COX10: variants seen among roughly 807,000 people sequenced by gnomAD.
The protein encoded by COX10 is cytochrome c oxidase assembly factor heme A:farnesyltransferase COX10.
Under a neutral mutation model 37.3 loss-of-function variants are expected in COX10, and 27 were observed. That is an observed-to-expected ratio of 0.72 (90% CI 0.53 to 1.00). The LOEUF is 1.00. Among genes scored for constraint, COX10 ranks in the 50% least tolerant of loss-of-function variants. The probability of loss-of-function intolerance (pLI) is 0.00; values close to 1 mark genes in which losing one functional copy is unlikely to be tolerated. For synonymous variants in COX10, 222 were observed against 229.1 expected (o/e 0.97, Z 0.28); for missense variants, 475 against 563.2 (o/e 0.84, Z 1.59).
chr17:14,116,689 G>A (rs534764741), intron 4 of COX10, among the ~76,000 whole-genome samples: 1 of 152,038 alleles, frequency 6.6e-6, no homozygotes, highest in South Asian at 2.1e-4. Flanking sequence ...GTTAGCTGTG[G>A]AAGTTGTGAG....
chr17:14,128,910 G>A (rs542319295), intron 4 of COX10, among the ~76,000 whole-genome samples: 3 of 152,180 alleles, frequency 2.0e-5, no homozygotes, highest in Non-Finnish European at 2.9e-5. Flanking sequence ...GCAGTGGCGC[G>A]ATCTCGGCCC....
chr17:14,188,416 T>C (rs760456384), intron 5 of COX10, among the ~76,000 whole-genome samples: 1 of 151,550 alleles, frequency 6.6e-6, no homozygotes, highest in Non-Finnish European at 1.5e-5. Context: ...TTCCAGGTCA[T>C]ATGATGTATG....
intron 5 of COX10, among the ~76,000 whole-genome samples, chr17:14,165,685 G>C (rs898157416): frequency 6.6e-6 from 1 of 152,202 alleles, no homozygotes; most frequent in Non-Finnish European, 1.5e-5. Flanking sequence ...AAATGATTAA[G>C]CTTAATGAGG....
chr17:14,074,283 G>A (rs781688641), intron 1 of COX10, 40 bp from the exon 2 acceptor site: 6 of 1,612,814 alleles, frequency 3.7e-6, no homozygotes, highest in East Asian at 2.2e-5. Flanking sequence ...TAAGAAGTAC[G>A]AATCATTTAA....
At chr17:14,169,004 T>A (rs1042034967) in intron 5 of COX10, among the ~76,000 whole-genome samples, 1 of 152,244 alleles carries the variant, frequency 6.6e-6, no homozygotes, top group African/African-American at 2.4e-5. Flanking sequence ...AGGCTGTAGA[T>A]TTTCCGAACT....
rs377568055 is a variant in COX10, at chr17:14,114,728, C to T, written c.624+12486C>T. On this transcript the variant is annotated intron_variant, in intron 4 of 6. Coordinates refer to ENST00000261643, the MANE Select transcript of COX10 (RefSeq NM_001303.4). ...CTCTTAGTTGTTAGATAGAAAACAC[C>T]TAAAATGAATATTCTTAAGTTATGG... Among the ~76,000 whole-genome samples the T allele has an allele frequency of 2.7e-3, 411 of 152,074 alleles. 16 individuals are homozygous for T. In the South Asian group the frequency reaches 0.081, roughly 30 times the overall value.
intron 6 of COX10, among the ~76,000 whole-genome samples, chr17:14,195,070 T>G (rs1906328166): frequency 6.6e-6 from 1 of 152,194 alleles, no homozygotes. Context: ...CCCAGTTAAT[T>G]GCAGATCAAA....
chr17:14,156,720 C>A (rs966076536), intron 4 of COX10, among the ~76,000 whole-genome samples: 3 of 152,176 alleles, frequency 2.0e-5, no homozygotes, highest in Non-Finnish European at 4.4e-5. Flanking sequence ...CCCTGCTCAG[C>A]CTTTAAGCTT....
Position 14,076,885 on chromosome 17 carries a change from T to G in COX10, c.328T>G (p.Ser110Ala). 1.2e-6 allele frequency: 2 copies of G among 1,614,108 alleles called. No individual in the cohort carries two copies. Among genetic ancestry groups the G allele is most frequent in the Non-Finnish European group, 1.7e-6 (2 of 1,180,014 alleles). The change falls in exon 3 of 7, where the codon TCC becomes GCC. Residue 110 changes from serine (S) to alanine (A), a missense_variant. By Grantham distance (99) the Ser-to-Ala change is moderately conservative (BLOSUM62 1). Coordinates refer to ENST00000261643, the MANE Select transcript of COX10 (RefSeq NM_001303.4). ...RPLSPPSLSL[S>A]RKPNEKELIE... is the part of the protein sequence containing the mutation. Reference sequence around the variant, plus strand: ...TCTCTCACCGCCCAGCCTATCTTTGTCCAGAAAGCCAAATGAAAAGGAATT... The same window carrying G: ...TCTCTCACCGCCCAGCCTATCTTTGGCCAGAAAGCCAAATGAAAAGGAATT...
At chr17:14,097,892 T>C (rs1915684406) in intron 3 of COX10, among the ~76,000 whole-genome samples, 2 of 152,170 alleles carry the variant, frequency 1.3e-5, no homozygotes, top group African/African-American at 4.8e-5. Flanking sequence ...CCATCTCTAG[T>C]TTACTTATGA....
intron 4 of COX10, among the ~76,000 whole-genome samples, chr17:14,152,424 G>A (rs893874349): frequency 6.6e-6 from 1 of 152,120 alleles, no homozygotes; most frequent in Admixed American, 6.5e-5. Flanking sequence ...GGGGGAAACC[G>A]CTACCATGAT....
intron 4 of COX10, among the ~76,000 whole-genome samples, chr17:14,134,521 G>T (rs891492866): frequency 6.6e-6 from 1 of 151,766 alleles, no homozygotes; most frequent in Admixed American, 6.6e-5. Flanking sequence ...GAATAACTCT[G>T]TAAGATGCCT....
chr17:14,189,938 A>G (rs1906150320), intron 5 of COX10, among the ~76,000 whole-genome samples: 1 of 152,214 alleles, frequency 6.6e-6, no homozygotes, highest in Non-Finnish European at 1.5e-5. Flanking sequence ...TGATGCAGGA[A>G]GTTAATAGAC....
At chr17:14,132,920 T>C (rs965169879) in intron 4 of COX10, among the ~76,000 whole-genome samples, 1 of 151,734 alleles carries the variant, frequency 6.6e-6, no homozygotes, top group Non-Finnish European at 1.5e-5. Context: ...ATTAGAACTT[T>C]AACCATTCTT....
chr17:14,128,961 C>T (rs1344063634), intron 4 of COX10, among the ~76,000 whole-genome samples: 1 of 152,216 alleles, frequency 6.6e-6, no homozygotes, highest in Non-Finnish European at 1.5e-5. Flanking sequence ...ATTCTCATGC[C>T]TCAGCCCCCC....
chr17:14,152,741 T>A (rs1394669870), intron 4 of COX10, among the ~76,000 whole-genome samples: 2 of 152,144 alleles, frequency 1.3e-5, no homozygotes, highest in Non-Finnish European at 2.9e-5. Context: ...CCTTGCCACT[T>A]CTAAACATCG....
chr17:14,083,068 A>T (rs994268780), intron 3 of COX10, among the ~76,000 whole-genome samples: 2 of 152,230 alleles, frequency 1.3e-5, no homozygotes, highest in African/African-American at 4.8e-5. Context: ...TCTGGACCAC[A>T]GAAGAGAGGC....
intron 4 of COX10, among the ~76,000 whole-genome samples, chr17:14,144,129 C>G (rs1007632682): frequency 6.6e-6 from 1 of 152,096 alleles, no homozygotes; most frequent in Non-Finnish European, 1.5e-5. Context: ...CCACCCCCAC[C>G]GTGTTGTGAC....
At chr17:14,134,660 A>T (rs1916538478) in intron 4 of COX10, among the ~76,000 whole-genome samples, 1 of 151,898 alleles carries the variant, frequency 6.6e-6, no homozygotes, top group Non-Finnish European at 1.5e-5. Context: ...GGATTTCAAA[A>T]GTAATTAGCT....
Sources: allele counts gnomAD v4.1 joint callset (sites outside exome capture counted in the v4.1 genomes callset), GRCh38; gene constraint gnomAD v4.1.1; transcripts MANE v1.5; gene names NCBI Gene and HGNC (gene_info 2026-07-23, HGNC 2026-07-21).